Variants in ERGIC2 observed in about 807,000 individuals in gnomAD.
ERGIC2 encodes the protein endoplasmic reticulum-Golgi intermediate compartment protein 2.
In ERGIC2, 31 loss-of-function variants were observed where a neutral mutation model predicts 52.5. The observed-to-expected ratio is 0.59, with a 90% CI of 0.44 to 0.80. The LOEUF is 0.80. Among genes scored for constraint, ERGIC2 ranks in the 30% least tolerant of loss-of-function variants. The pLI is 0.00. For synonymous variants in ERGIC2, 129 were observed against 140.6 expected (o/e 0.92, Z 0.58); for missense variants, 395 against 455.2 (o/e 0.87, Z 1.20).
At chr12:29,372,814 C>T (rs1223100386) in intron 1 of ERGIC2, 1 of 152,026 alleles carries the variant, frequency 6.6e-6, no homozygotes, top group Non-Finnish European at 1.5e-5. Flanking sequence ...CACCTCCACC[C>T]CCAGCTAATT....
chr12:29,361,956 A>C (rs937792594), intron 5 of ERGIC2, among the ~76,000 whole-genome samples: 4 of 152,216 alleles, frequency 2.6e-5, no homozygotes, highest in Admixed American at 6.5e-5. Context: ...ACAATTTATC[A>C]TATGTACAAA....
Position 29,356,387 on chromosome 12 carries a change from C to T in ERGIC2, c.567G>A (p.Val189=). The T allele has an allele frequency of 1.3e-6, 2 of 1,546,916 alleles. No homozygotes were observed. The highest frequency in any genetic ancestry group is 1.8e-6 in the Non-Finnish European group (2 of 1,119,032). The change falls in exon 8 of 14, where the codon GTG becomes GTA. Residue 189 remains valine, a synonymous_variant. Coordinates refer to ENST00000360150, the MANE Select transcript of ERGIC2 (RefSeq NM_016570.3). ...NKVAGNFHIT[V]GKAIPHPRGH... ...AGTAAGTGAAAAGAACATACTTGCCCACTGTTATGTGAAAATTCCCTGCTA... is the reference window on the plus strand; with the variant it reads ...AGTAAGTGAAAAGAACATACTTGCCTACTGTTATGTGAAAATTCCCTGCTA...
At chr12:29,349,300 T>C (rs1940100818) in intron 9 of ERGIC2, 123 bp from the exon 10 acceptor site, 2 of 454,698 alleles carry the variant, frequency 4.4e-6, no homozygotes, top group Admixed American at 8.6e-5. Context: ...TCAAGGATAA[T>C]AATACAGTAT....
intron 11 of ERGIC2, among the ~76,000 whole-genome samples, chr12:29,343,829 T>G (rs1949857393): frequency 6.6e-6 from 1 of 152,188 alleles, no homozygotes; most frequent in African/African-American, 2.4e-5. Flanking sequence ...GGGTAGAAAC[T>G]GTTTTAGGGA....
At chr12:29,372,480 T>C (rs1156765622) in intron 1 of ERGIC2, 10 of 152,134 alleles carry the variant, frequency 6.6e-5, no homozygotes, top group Admixed American at 6.6e-4. Flanking sequence ...ACTCCTCTTC[T>C]AAGTAAATGC....
intron 6 of ERGIC2, among the ~76,000 whole-genome samples, chr12:29,361,178 T>G (rs11050210): frequency 0.21 from 31,638 of 151,810 alleles, 5,241 homozygotes; most frequent in African/African-American, 0.46. Context: ...CTTCAACCTG[T>G]GAGGTGGGGG....
chr12:29,348,843 C>G (rs958339422), intron 10 of ERGIC2, among the ~76,000 whole-genome samples: 5 of 151,812 alleles, frequency 3.3e-5, no homozygotes, highest in African/African-American at 1.2e-4. Flanking sequence ...CTCCTTCTGC[C>G]TTTTAATTCC....
At chr12:29,362,842 T>C (rs1425120426) in intron 5 of ERGIC2, among the ~76,000 whole-genome samples, 2 of 152,162 alleles carry the variant, frequency 1.3e-5, no homozygotes, top group Admixed American at 6.5e-5. Context: ...TTATAGCATA[T>C]AAGGAAAATG....
At chr12:29,367,238 T>C (rs1427043298) in intron 4 of ERGIC2, among the ~76,000 whole-genome samples, 1 of 151,268 alleles carries the variant, frequency 6.6e-6, no homozygotes, top group African/African-American at 2.4e-5. Context: ...TTAAAAAGGA[T>C]AAGCGTCACT....
intron 11 of ERGIC2, 75 bp from the exon 12 acceptor site, chr12:29,343,357 A>G (rs1213290051): frequency 6.8e-6 from 8 of 1,181,462 alleles, no homozygotes; most frequent in Non-Finnish European, 9.5e-6. Flanking sequence ...GGTTACTTAC[A>G]TACATTCAAT....
chr12:29,374,999 G>C (rs1238891306), intron 1 of ERGIC2, among the ~76,000 whole-genome samples: 2 of 152,072 alleles, frequency 1.3e-5, no homozygotes, highest in African/African-American at 4.8e-5. Flanking sequence ...ACCAGGTCCT[G>C]CTAACCTCTC....
At position 29,338,872 on chromosome 12, in the gene ERGIC2, C is replaced by T. The variant is rs1949817274; in HGVS notation, c.*2284G>A. On this transcript the variant is annotated 3_prime_UTR_variant, in exon 14 of 14. Coordinates refer to ENST00000360150, the MANE Select transcript of ERGIC2 (RefSeq NM_016570.3). ...TAAACATATAGATATTATGAATACT[C>T]TTGTAAAACAAAAAGGAGAATTGGG... 1 of 152,128 alleles carries T rather than the reference C, an allele frequency of 6.6e-6. No individual in the cohort carries two copies. The highest frequency in any genetic ancestry group is 2.1e-4 in the South Asian group (1 of 4,828). 9.4% of individuals were successfully genotyped at this position (152,128 alleles called of 1,614,324 possible).
chr12:29,367,419 T>G (rs1310385216), intron 4 of ERGIC2, among the ~76,000 whole-genome samples: 1 of 151,806 alleles, frequency 6.6e-6, no homozygotes, highest in Non-Finnish European at 1.5e-5. Context: ...AATTTAACAG[T>G]ATTTAAACAT....
At chr12:29,367,198 T>TAA (rs375518534) in intron 4 of ERGIC2, among the ~76,000 whole-genome samples, 12 of 143,592 alleles carry the variant, frequency 8.4e-5, no homozygotes, top group Middle Eastern at 3.5e-3. Flanking sequence ...TCTTACCCAA[T>TAA]AAAAAAAAAA....
chr12:29,371,784 C>A, intron 1 of ERGIC2, 114 bp from the exon 2 acceptor site: 1 of 563,438 alleles, frequency 1.8e-6, no homozygotes, highest in Admixed American at 3.3e-5. Flanking sequence ...TCTCATCCCC[C>A]CTTAAAAATA....
intron 8 of ERGIC2, among the ~76,000 whole-genome samples, chr12:29,351,905 T>C (rs1179114031): frequency 6.6e-6 from 1 of 152,202 alleles, no homozygotes; most frequent in Non-Finnish European, 1.5e-5. Context: ...GAATGCTCAA[T>C]CTGGCACCAT....
chr12:29,368,231 G>T lies in ERGIC2; in HGVS notation c.262+10C>A. On this transcript the variant is annotated intron_variant, in intron 4 of 13. Coordinates refer to ENST00000360150, the MANE Select transcript of ERGIC2 (RefSeq NM_016570.3). ...TACATGTGGATTCAGCAAGTTGAAG[G>T]TGTACTTACATTGACACTTCATGGC... The T allele has an allele frequency of 6.5e-7, 1 of 1,545,902 alleles. No homozygotes were observed. Among genetic ancestry groups the T allele is most frequent in the Non-Finnish European group, 8.9e-7 (1 of 1,120,016 alleles).
At chr12:29,380,179 TAA>T (rs2136887935) in intron 1 of ERGIC2, among the ~76,000 whole-genome samples, 1 of 152,220 alleles carries the variant, frequency 6.6e-6, no homozygotes, top group Non-Finnish European at 1.5e-5. Context: ...TACAACAACT[TAA>T]AGATATCAAC....
intron 8 of ERGIC2, among the ~76,000 whole-genome samples, chr12:29,352,292 G>A (rs1940143828): frequency 6.6e-6 from 1 of 151,966 alleles, no homozygotes; most frequent in Admixed American, 6.6e-5. Flanking sequence ...CTTTATTTTT[G>A]GACACGAATT....
Sources: allele counts gnomAD v4.1 joint callset (sites outside exome capture counted in the v4.1 genomes callset), GRCh38; gene constraint gnomAD v4.1.1; transcripts MANE v1.5; gene names NCBI Gene and HGNC (gene_info 2026-07-23, HGNC 2026-07-21).